The following ADARB2 variants were observed in gnomAD, a reference collection of about 807,000 sequenced individuals.
ADARB2 encodes the protein inactive double-stranded RNA-specific editase B2.
Under a neutral mutation model 62.2 loss-of-function variants are expected in ADARB2, and 25 were observed. The ratio of observed to expected loss-of-function variants is 0.40; its 90% CI spans 0.29 to 0.56. ADARB2 has a LOEUF of 0.56. Ranked by LOEUF, ADARB2 falls within the 20% of genes least tolerant of loss-of-function variation. The probability of loss-of-function intolerance (pLI) is 0.43; values close to 1 mark genes in which losing one functional copy is unlikely to be tolerated. For missense variants in ADARB2, 1,071 were observed against 1,077.4 expected, an observed-to-expected ratio of 0.99 and a Z score of 0.08; for synonymous variants, 572 against 500.8, an observed-to-expected ratio of 1.14 and a Z score of -1.90.
At chr10:1,639,862 G>A (rs1033885696) in intron 1 of ADARB2, among the ~76,000 whole-genome samples, 1 of 133,884 alleles carries the variant, frequency 7.5e-6, no homozygotes, top group Non-Finnish European at 1.7e-5. Flanking sequence ...ACAAAACAAA[G>A]CAAAACAAAA....
chr10:1,660,595 A>T (rs115788246), intron 1 of ADARB2, among the ~76,000 whole-genome samples: 1,975 of 152,294 alleles, frequency 0.013, 28 homozygotes, highest in Middle Eastern at 0.034. Flanking sequence ...AAGACCCCAG[A>T]AAAAGGGTGG....
At chr10:1,521,239 G>A (rs942671563) in intron 1 of ADARB2, among the ~76,000 whole-genome samples, 1 of 152,162 alleles carries the variant, frequency 6.6e-6, no homozygotes, top group African/African-American at 2.4e-5. Context: ...CCATAGATGA[G>A]TTGGGTCCCA....
intron 6 of ADARB2, among the ~76,000 whole-genome samples, chr10:1,220,523 T>G (rs927332767): frequency 6.6e-6 from 1 of 152,192 alleles, no homozygotes; most frequent in African/African-American, 2.4e-5. Flanking sequence ...TTTATGAACA[T>G]CAACTTTCTG....
intron 1 of ADARB2, among the ~76,000 whole-genome samples, chr10:1,464,951 C>T (rs11598471): frequency 0.13 from 19,056 of 152,254 alleles, 1,252 homozygotes; most frequent in Middle Eastern, 0.25. Flanking sequence ...CACGGGACTG[C>T]CCACAGTGGC....
chr10:1,306,099 G>T (rs1831625195), intron 3 of ADARB2, among the ~76,000 whole-genome samples: 1 of 151,714 alleles, frequency 6.6e-6, no homozygotes, highest in Non-Finnish European at 1.5e-5. Context: ...TATTCAATTA[G>T]GAAAAGAGGA....
At position 1,553,077 on chromosome 10, in the gene ADARB2, A is replaced by G. The variant is rs1832651406; in HGVS notation, c.101-173917T>C. ...AGCTCCCTGCCGGAGACCCTGCCCC[A>G]TTGCTGGGAGCACCGCGTCCTCGCA... On this transcript the variant is annotated intron_variant, in intron 1 of 9. Transcript: ENST00000381312. 2.6e-5 allele frequency among the ~76,000 whole-genome samples: 4 copies of G among 151,762 alleles called. 1 individual carries two copies. The highest frequency in any genetic ancestry group is 2.6e-4 in the Admixed American group (4 of 15,240).
chr10:1,538,241 G>T (rs2131965791), intron 1 of ADARB2, among the ~76,000 whole-genome samples: 1 of 152,334 alleles, frequency 6.6e-6, no homozygotes, highest in East Asian at 1.9e-4. Flanking sequence ...GTTTGTGGCT[G>T]TGGCTGCAGG....
intron 8 of ADARB2, among the ~76,000 whole-genome samples, chr10:1,196,325 T>G (rs948308390): frequency 7.3e-5 from 11 of 151,490 alleles, no homozygotes; most frequent in Non-Finnish European, 1.6e-4. Context: ...CTATTCTCAA[T>G]GTAGGATTGT....
chr10:1,724,132 G>A (rs151007734), intron 1 of ADARB2, among the ~76,000 whole-genome samples: 150 of 152,268 alleles, frequency 9.9e-4, no homozygotes, highest in Middle Eastern at 6.8e-3. Context: ...AAAGAGGTGC[G>A]CAAGGTAAAA....
chr10:1,626,768 G>T (rs966615862), intron 1 of ADARB2, among the ~76,000 whole-genome samples: 4 of 152,148 alleles, frequency 2.6e-5, no homozygotes, highest in Non-Finnish European at 4.4e-5. Context: ...AAAGCAACCC[G>T]CACGGTCTGA....
At chr10:1,674,150 T>C (rs1834430623) in intron 1 of ADARB2, among the ~76,000 whole-genome samples, 1 of 152,248 alleles carries the variant, frequency 6.6e-6, no homozygotes, top group South Asian at 2.1e-4. Flanking sequence ...GAATCAGCCC[T>C]GTGCAGAGTG....
At chr10:1,327,636 C>T (rs1337997048) in intron 3 of ADARB2, among the ~76,000 whole-genome samples, 10 of 119,550 alleles carry the variant, frequency 8.4e-5, no homozygotes, top group East Asian at 2.3e-4. Context: ...CACGGCACAG[C>T]GCCTCCTCAC....
intron 6 of ADARB2, among the ~76,000 whole-genome samples, chr10:1,227,355 C>G (rs368054848): frequency 6.6e-6 from 1 of 152,220 alleles, no homozygotes; most frequent in Non-Finnish European, 1.5e-5. Context: ...TTGCGCTTCC[C>G]GGGTGAGGCG....
At chr10:1,571,669 T>C (rs1458831432) in intron 1 of ADARB2, among the ~76,000 whole-genome samples, 2 of 144,270 alleles carry the variant, frequency 1.4e-5, no homozygotes, top group Non-Finnish European at 3.0e-5. Context: ...CAGGTGAGTG[T>C]GCAGGTGAGT....
intron 1 of ADARB2, among the ~76,000 whole-genome samples, chr10:1,600,284 C>T (rs1833392985): frequency 6.6e-6 from 1 of 152,112 alleles, no homozygotes; most frequent in Non-Finnish European, 1.5e-5. Flanking sequence ...CTGGCATTGG[C>T]AATACCTTAT....
chr10:1,689,868 A>G (rs924403153), intron 1 of ADARB2, among the ~76,000 whole-genome samples: 1 of 152,224 alleles, frequency 6.6e-6, no homozygotes, highest in Non-Finnish European at 1.5e-5. Flanking sequence ...AGTCCCCTCT[A>G]CAGTTACGTA....
Position 1,643,651 on chromosome 10 carries a change from C to T in ADARB2, c.100+93400G>A, listed in dbSNP as rs150720958. Among the ~76,000 whole-genome samples the T allele has an allele frequency of 4.6e-3, 701 of 152,366 alleles. 7 individuals carry two copies. The highest frequency in any genetic ancestry group is 0.016 in the African/African-American group (669 of 41,598). On this transcript the variant is annotated intron_variant, in intron 1 of 9. Coordinates refer to ENST00000381312, the MANE Select transcript of ADARB2 (RefSeq NM_018702.4). The stretch of plus-strand genomic sequence containing the variant: ...CCTGCTGCGAAGCGCGTCAGAACCA[C>T]GGACAGCTCCTGGTTCCCTATCCCT...
intron 1 of ADARB2, among the ~76,000 whole-genome samples, chr10:1,672,140 TGGGTGTGGACAGC>T (rs1047169576): frequency 7.9e-5 from 12 of 151,172 alleles, no homozygotes; most frequent in African/African-American, 1.7e-4. Flanking sequence ...GTATGTGGGG[TGGGTGTGGACAGC>T]GGGTGTGGAC....
At chr10:1,183,411 A>T (rs1418426277) in intron 9 of ADARB2, 42 bp from the exon 10 acceptor site, 1 of 1,593,524 alleles carries the variant, frequency 6.3e-7, no homozygotes, top group Non-Finnish European at 8.6e-7. Flanking sequence ...ACACCAGCAG[A>T]AAAGGAGCTT....
Sources: allele counts gnomAD v4.1 joint callset (sites outside exome capture counted in the v4.1 genomes callset), GRCh38; gene constraint gnomAD v4.1.1; transcripts MANE v1.5; gene names NCBI Gene and HGNC (gene_info 2026-07-23, HGNC 2026-07-21).